ERC2: variants seen among roughly 807,000 people sequenced by gnomAD.
ERC2 encodes the protein ERC protein 2.
ERC2 carries 42 observed loss-of-function variants against 114.8 expected under a neutral mutation model. The ratio of observed to expected loss-of-function variants is 0.37; its 90% CI spans 0.29 to 0.47. The LOEUF (loss-of-function observed/expected upper bound fraction) is 0.47, where lower values mean the gene tolerates loss of function less well. Ranked by LOEUF, ERC2 falls within the 20% of genes least tolerant of loss-of-function variation. ERC2 has a pLI of 0.99. For missense variants in ERC2, 939 were observed against 1,150.7 expected (o/e 0.82, Z 2.66); for synonymous variants, 454 against 425.5 (o/e 1.07, Z -0.82).
At chr3:55,600,654 G>A (rs1298935610) in intron 17 of ERC2, among the ~76,000 whole-genome samples, 1 of 152,206 alleles carries the variant, frequency 6.6e-6, no homozygotes, top group East Asian at 1.9e-4. Flanking sequence ...AGTGGCTTGT[G>A]ATGCTCAACA....
intron 2 of ERC2, among the ~76,000 whole-genome samples, chr3:56,425,789 T>A (rs2061550310): frequency 6.6e-6 from 1 of 152,184 alleles, no homozygotes; most frequent in African/African-American, 2.4e-5. Context: ...CGGTTTCTGA[T>A]GTTTTATCAA....
intron 17 of ERC2, among the ~76,000 whole-genome samples, chr3:55,584,718 G>A (rs368670084): frequency 6.6e-5 from 10 of 152,266 alleles, no homozygotes; most frequent in East Asian, 3.9e-4. Flanking sequence ...CACCAAATAC[G>A]GTGGGGAGAG....
At chr3:56,269,497 A>G (rs905864355) in intron 3 of ERC2, among the ~76,000 whole-genome samples, 2 of 152,238 alleles carry the variant, frequency 1.3e-5, no homozygotes, top group Non-Finnish European at 2.9e-5. Context: ...ATTAACAAAC[A>G]AAAGCTGAAA....
chr3:56,298,933 G>A (rs190173973), intron 2 of ERC2, among the ~76,000 whole-genome samples: 64 of 152,092 alleles, frequency 4.2e-4, no homozygotes, highest in Non-Finnish European at 7.9e-4. Context: ...CTACCAACCC[G>A]CTGTCCTTAA....
At chr3:56,301,151 C>T (rs776246963) in intron 2 of ERC2, among the ~76,000 whole-genome samples, 2 of 152,160 alleles carry the variant, frequency 1.3e-5, no homozygotes, top group African/African-American at 4.8e-5. Context: ...ACGATGGATG[C>T]TTCCAGGCTG....
chr3:55,829,912 T>A (rs2060497757), intron 14 of ERC2, among the ~76,000 whole-genome samples: 1 of 152,062 alleles, frequency 6.6e-6, no homozygotes, highest in South Asian at 2.1e-4. Flanking sequence ...AAATAATAAC[T>A]GAAACTTCTG....
At chr3:55,542,521 C>T (rs1177504) in intron 17 of ERC2, among the ~76,000 whole-genome samples, 18 of 152,080 alleles carry the variant, frequency 1.2e-4, no homozygotes, top group African/African-American at 4.3e-4. Flanking sequence ...CTTTCTCATG[C>T]CTTGAAAAAG....
At chr3:56,049,071 G>A (rs1255275827) in intron 7 of ERC2, among the ~76,000 whole-genome samples, 1 of 152,184 alleles carries the variant, frequency 6.6e-6, no homozygotes, top group Non-Finnish European at 1.5e-5. Flanking sequence ...GCAGTACAGA[G>A]GAGGCCAGTA....
chr3:56,304,068 G>A (rs2056070420), intron 2 of ERC2, among the ~76,000 whole-genome samples: 1 of 152,084 alleles, frequency 6.6e-6, no homozygotes, highest in Non-Finnish European at 1.5e-5. Context: ...AATCAGCATG[G>A]AAAAGTGACT....
At chr3:55,635,031 G>A (rs950730427) in intron 17 of ERC2, among the ~76,000 whole-genome samples, 1 of 151,962 alleles carries the variant, frequency 6.6e-6, no homozygotes, top group Non-Finnish European at 1.5e-5. Context: ...ACAGGTGCAT[G>A]CCACCACACC....
chr3:55,904,866 A>G (rs1210055276), intron 13 of ERC2, among the ~76,000 whole-genome samples: 1 of 152,218 alleles, frequency 6.6e-6, no homozygotes, highest in Non-Finnish European at 1.5e-5. Context: ...TGCCATTTCA[A>G]TGTGTGACTC....
chr3:55,706,559 GTTATT>G (rs928785716), intron 15 of ERC2, among the ~76,000 whole-genome samples: 3 of 151,846 alleles, frequency 2.0e-5, no homozygotes, highest in Admixed American at 6.6e-5. Context: ...ACCACTCCCA[GTTATT>G]TTATTTTATT....
At chr3:55,689,357 G>A (rs188567529) in intron 16 of ERC2, among the ~76,000 whole-genome samples, 1 of 152,126 alleles carries the variant, frequency 6.6e-6, no homozygotes, top group Non-Finnish European at 1.5e-5. Flanking sequence ...TTGGTGCACT[G>A]TGCCAGTTCA....
chr3:55,715,636 GT>G (rs1018358779), intron 15 of ERC2, among the ~76,000 whole-genome samples: 3 of 151,834 alleles, frequency 2.0e-5, no homozygotes, highest in African/African-American at 2.4e-5. Context: ...GCTGTGGGGT[GT>G]TTTTTTTCCT....
chr3:55,853,462 C>A (rs2061659547), intron 14 of ERC2, among the ~76,000 whole-genome samples: 1 of 151,894 alleles, frequency 6.6e-6, no homozygotes, highest in Admixed American at 6.6e-5. Context: ...GAGGTTGAGG[C>A]TGCCATGAGT....
intron 13 of ERC2, among the ~76,000 whole-genome samples, chr3:55,897,170 G>T (rs532174927): frequency 6.6e-6 from 1 of 152,280 alleles, no homozygotes; most frequent in South Asian, 2.1e-4. Flanking sequence ...CATTTGTGTT[G>T]TTTAACTAAA....
chr3:55,511,906 G>A (rs570897532), intron 17 of ERC2, among the ~76,000 whole-genome samples: 2 of 152,274 alleles, frequency 1.3e-5, no homozygotes, highest in African/African-American at 4.8e-5. Flanking sequence ...AGTGAGAAGG[G>A]GGATCCCTCC....
intron 7 of ERC2, among the ~76,000 whole-genome samples, chr3:56,079,832 T>C (rs1191771433): frequency 2.0e-5 from 3 of 152,142 alleles, no homozygotes; most frequent in Non-Finnish European, 4.4e-5. Flanking sequence ...GTGTTAAGAA[T>C]AGGCTGTAGG....
At chr3:55,760,436 A>G (rs191594726) in intron 14 of ERC2, among the ~76,000 whole-genome samples, 6 of 152,332 alleles carry the variant, frequency 3.9e-5, no homozygotes. Context: ...AGGCAGAAGT[A>G]TTCCTTCACT....
Sources: allele counts gnomAD v4.1 joint callset (sites outside exome capture counted in the v4.1 genomes callset), GRCh38; gene constraint gnomAD v4.1.1; transcripts MANE v1.5; gene names NCBI Gene and HGNC (gene_info 2026-07-23, HGNC 2026-07-21).